The following DLGAP5 variants were observed in gnomAD, a reference collection of about 807,000 sequenced individuals.
DLGAP5 encodes the protein disks large-associated protein 5.
In DLGAP5, 90 loss-of-function variants were observed where a neutral mutation model predicts 99.6. The observed-to-expected ratio is 0.90, with a 90% confidence interval of 0.76 to 1.08. The LOEUF (loss-of-function observed/expected upper bound fraction) is 1.08, where lower values mean the gene tolerates loss of function less well. Ranked by LOEUF, DLGAP5 falls within the 50% of genes least tolerant of loss-of-function variation. The probability of loss-of-function intolerance (pLI) is 0.00; values close to 1 mark genes in which losing one functional copy is unlikely to be tolerated. For synonymous variants in DLGAP5, 311 were observed against 321.3 expected, an observed-to-expected ratio of 0.97 and a Z score of 0.34; for missense variants, 1,036 against 983.5, an observed-to-expected ratio of 1.05 and a Z score of -0.71.
chr14:55,168,477 T>C (rs1037266914), intron 12 of DLGAP5, among the ~76,000 whole-genome samples: 1 of 152,198 alleles, frequency 6.6e-6, no homozygotes, highest in African/African-American at 2.4e-5. Flanking sequence ...TCTTTTAGGT[T>C]TGAAGCTTTT....
chr14:55,179,766 G>A, intron 6 of DLGAP5, 67 bp from the exon 7 acceptor site: 1 of 1,336,596 alleles, frequency 7.5e-7, no homozygotes, highest in Non-Finnish European at 1.0e-6. Flanking sequence ...AGGTAACTTG[G>A]GAAAGGAAAA....
At chr14:55,168,018 C>T (rs1210942750) in intron 12 of DLGAP5, among the ~76,000 whole-genome samples, 1 of 151,994 alleles carries the variant, frequency 6.6e-6, no homozygotes, top group East Asian at 1.9e-4. Context: ...TTCTGGAATT[C>T]CTATAATTTG....
At position 55,154,706 on chromosome 14, in the gene DLGAP5, T is replaced by C. The variant is rs767363794; in HGVS notation, c.1974A>G (p.Gln658=). ...CGGCATTTTCTGGTGATGTAGTTTG[T>C]TGTGGAATGCCCATCTCATTTCTAC... ...SQSRNEMGIP[Q]QTTSPENAGP... is the part of the protein sequence containing the mutation. Residue 658 remains glutamine, a synonymous_variant, in exon 15 of 19, where the codon CAA becomes CAG. Coordinates refer to ENST00000247191, the MANE Select transcript of DLGAP5 (RefSeq NM_014750.5). 1.5e-5 allele frequency: 25 copies of C among 1,614,038 alleles called. No homozygotes were observed. Among genetic ancestry groups the C allele is most frequent in the South Asian group, 3.3e-5 (3 of 91,084 alleles).
rs1883337368 is a variant in DLGAP5, at chr14:55,183,543, T to G, written c.432+17A>C. 4 of 1,531,372 alleles carry G rather than the reference T, an allele frequency of 2.6e-6. No individual in the cohort carries two copies. Among genetic ancestry groups the G allele is most frequent in the Non-Finnish European group, 3.5e-6 (4 of 1,145,882 alleles). The allele number at this position is 1,531,372 out of a possible 1,614,324, so 94.9% of individuals were successfully genotyped here. A position where few individuals can be genotyped will look rare whatever the true frequency, so the allele number is the denominator to read the frequency against. On this transcript the variant is annotated intron_variant, in intron 3 of 18. Transcript: ENST00000247191. Reference sequence around the variant, plus strand: ...AATAAAAGAAACTATTCCTTTATATTAAGACACTAAATTTACCTTTTTTGG... The same window carrying G: ...AATAAAAGAAACTATTCCTTTATATGAAGACACTAAATTTACCTTTTTTGG...
intron 8 of DLGAP5, among the ~76,000 whole-genome samples, chr14:55,176,824 A>G (rs969423145): frequency 6.6e-6 from 1 of 151,708 alleles, no homozygotes; most frequent in Non-Finnish European, 1.5e-5. Flanking sequence ...TAAAGATACA[A>G]AAAATTAGCC....
chr14:55,177,199 C>T lies in DLGAP5; in HGVS notation c.912G>A (p.Lys304=). 6.2e-7 allele frequency: 1 copy of T among 1,613,610 alleles called. No individual in the cohort carries two copies. Among genetic ancestry groups the T allele is most frequent in the Non-Finnish European group, 8.5e-7 (1 of 1,179,850 alleles). ...PEINTAKIKG[K]NSFAPKDFMF... ...TAAAATCCTTAGGTGCAAAGGAATTCTTCCCTTTTATTTTTGCAGTATTTA... is the reference window on the plus strand; with the variant it reads ...TAAAATCCTTAGGTGCAAAGGAATTTTTCCCTTTTATTTTTGCAGTATTTA... Residue 304 remains lysine (K), a synonymous_variant, in exon 8 of 19, where the codon AAG becomes AAA. Transcript: ENST00000247191.
At chr14:55,149,062 A>G (rs1367809939) in intron 18 of DLGAP5, among the ~76,000 whole-genome samples, 1 of 152,222 alleles carries the variant, frequency 6.6e-6, no homozygotes, top group East Asian at 1.9e-4. Context: ...TTGGGTCTAA[A>G]ATAGACATCT....
intron 10 of DLGAP5, among the ~76,000 whole-genome samples, chr14:55,171,008 T>C (rs1044773351): frequency 6.6e-6 from 1 of 152,248 alleles, no homozygotes; most frequent in African/African-American, 2.4e-5. Context: ...AAAACTTATG[T>C]GGCTGGATAA....
intron 7 of DLGAP5, among the ~76,000 whole-genome samples, chr14:55,177,704 A>AT (rs1293916528): frequency 6.6e-6 from 1 of 151,362 alleles, no homozygotes; most frequent in Non-Finnish European, 1.5e-5. Flanking sequence ...CGCCCGGCTA[A>AT]TTTTTTGTAT....
Position 55,175,398 on chromosome 14 carries a change from C to T in DLGAP5, c.1249G>A (p.Glu417Lys), listed in dbSNP as rs771971406. Residue 417 changes from glutamate (E) to lysine (K), a missense_variant, in exon 10 of 19, where the codon GAA becomes AAA. Physicochemically the swap from Glu to Lys is moderately conservative, Grantham distance 56. Transcript: ENST00000247191. Reference sequence around the variant, plus strand: ...TGAGCAATTCGACCTTCATTTCTTTCAAGTGATGGGACTTCTTTTATTGGA... The same window carrying T: ...TGAGCAATTCGACCTTCATTTCTTTTAAGTGATGGGACTTCTTTTATTGGA... ...GLPIKEVPSL[E>K]RNEGRIAQPH... The T allele has an allele frequency of 5.5e-5, 88 of 1,605,984 alleles. No individual in the cohort carries two copies. The highest frequency in any genetic ancestry group is 6.6e-5 in the Non-Finnish European group (78 of 1,175,316).
At chr14:55,182,875 T>C (rs1453801564) in intron 3 of DLGAP5, among the ~76,000 whole-genome samples, 1 of 152,188 alleles carries the variant, frequency 6.6e-6, no homozygotes, top group Non-Finnish European at 1.5e-5. Context: ...ATATCCTAAA[T>C]CGACATCTTA....
At position 55,189,133 on chromosome 14, in the gene DLGAP5, G is replaced by A. The variant is rs781592971; in HGVS notation, c.47C>T (p.Thr16Ile). 1 of 1,613,780 alleles carries A rather than the reference G, an allele frequency of 6.2e-7. No individual in the cohort carries two copies. The highest frequency in any genetic ancestry group is 8.5e-7 in the Non-Finnish European group (1 of 1,179,934). ...AGCAATTTTAGTTCTAATCATTTCA[G>A]TACTTATATCCTTCCTGTGTCGACT... ...FASRHRKDISTEMIRTKIAHR... is the reference protein window; with the variant it reads ...FASRHRKDISIEMIRTKIAHR... Residue 16 changes from threonine (T) to isoleucine (I), a missense_variant, in exon 2 of 19, where the codon ACT becomes ATT. Coordinates refer to ENST00000247191, the MANE Select transcript of DLGAP5 (RefSeq NM_014750.5).
chr14:55,183,759 C>A lies in DLGAP5; in HGVS notation c.239-6G>T. ...TAGAATAGTTTTCATTGCCCCTAGGCAGAAAAAAAACCAAAACCACACAGT... is the reference window on the plus strand; with the variant it reads ...TAGAATAGTTTTCATTGCCCCTAGGAAGAAAAAAAACCAAAACCACACAGT... On this transcript the variant is annotated splice_polypyrimidine_tract_variant and splice_region_variant and intron_variant, in intron 2 of 18. Transcript: ENST00000247191. The A allele has an allele frequency of 1.3e-6, 2 of 1,553,254 alleles. No individual in the cohort carries two copies. The highest frequency in any genetic ancestry group is 1.7e-6 in the Non-Finnish European group (2 of 1,155,798).
At chr14:55,157,236 T>G (rs538835029) in intron 14 of DLGAP5, among the ~76,000 whole-genome samples, 1 of 152,284 alleles carries the variant, frequency 6.6e-6, no homozygotes, top group East Asian at 1.9e-4. Context: ...TCTCCCTATC[T>G]ATAAGGACTG....
intron 12 of DLGAP5, among the ~76,000 whole-genome samples, chr14:55,167,322 T>C (rs549938261): frequency 6.6e-6 from 1 of 151,404 alleles, no homozygotes; most frequent in East Asian, 1.9e-4. Flanking sequence ...CTAATAATGA[T>C]ACAAAAATCA....
Position 55,177,348 on chromosome 14 carries a change from G to A in DLGAP5, c.775-12C>T, listed in dbSNP as rs778027608. On this transcript the variant is annotated splice_polypyrimidine_tract_variant and intron_variant, in intron 7 of 18. Transcript: ENST00000247191. The stretch of plus-strand genomic sequence containing the variant: ...TTACAAGAAATACCCTAGGATGTGA[G>A]TTAACAAAGTAGAGTAAGATTTCTC... 4 of 1,564,086 alleles carry A rather than the reference G, an allele frequency of 2.6e-6. No homozygotes were observed. The highest frequency in any genetic ancestry group is 3.4e-6 in the Non-Finnish European group (4 of 1,161,090).
chr14:55,176,588 T>C lies in DLGAP5; in HGVS notation c.1049+474A>G, dbSNP rs914188636. On this transcript the variant is annotated intron_variant, in intron 8 of 18. Transcript: ENST00000247191. ...ATAAAAACTGTCAATTACATTATTG[T>C]ACCTTCTGAAGAATTTTTTTTAAAG... Among the ~76,000 whole-genome samples, 37 of 146,326 alleles carry C rather than the reference T, an allele frequency of 2.5e-4. 2 individuals are homozygous for C. The highest frequency in any genetic ancestry group is 1.0e-3 in the African/African-American group (37 of 36,024).
intron 12 of DLGAP5, among the ~76,000 whole-genome samples, chr14:55,167,878 T>C (rs1882699340): frequency 1.3e-5 from 2 of 152,232 alleles, no homozygotes; most frequent in African/African-American, 2.4e-5. Context: ...TGCTTTAGCC[T>C]ACCCTCTTTA....
chr14:55,165,535 AAAAAAACCCC>A (rs981629873), intron 12 of DLGAP5, among the ~76,000 whole-genome samples: 1 of 151,408 alleles, frequency 6.6e-6, no homozygotes, highest in African/African-American at 2.4e-5. Flanking sequence ...AAAAACAAAA[AAAAAAACCCC>A]AAAAAAACCC....
Sources: allele counts gnomAD v4.1 joint callset (sites outside exome capture counted in the v4.1 genomes callset), GRCh38; gene constraint gnomAD v4.1.1; transcripts MANE v1.5; gene names NCBI Gene and HGNC (gene_info 2026-07-23, HGNC 2026-07-21).